The following PLEKHA7 variants were observed in gnomAD, a reference collection of about 807,000 sequenced individuals.
PLEKHA7 encodes pleckstrin homology domain-containing family A member 7.
A neutral mutation model predicts 170.0 loss-of-function variants in PLEKHA7; 104 were observed. That is an observed-to-expected ratio of 0.61 (90% CI 0.52 to 0.72). The LOEUF (loss-of-function observed/expected upper bound fraction) is 0.72. Ranked by LOEUF, PLEKHA7 falls within the 30% of genes least tolerant of loss-of-function variation. The pLI is 0.00. For synonymous variants in PLEKHA7, 648 were observed against 660.8 expected, an observed-to-expected ratio of 0.98 and a Z score of 0.30; for missense variants, 1,615 against 1,671.7, an observed-to-expected ratio of 0.97 and a Z score of 0.59.
chr11:16,940,496 G>A (rs1005100083), intron 3 of PLEKHA7, among the ~76,000 whole-genome samples: 1 of 151,566 alleles, frequency 6.6e-6, no homozygotes, highest in Non-Finnish European at 1.5e-5. Flanking sequence ...CACCAGATTG[G>A]CTGCTGGTCT....
chr11:16,944,661 T>C (rs769018864), intron 3 of PLEKHA7, among the ~76,000 whole-genome samples: 2 of 152,176 alleles, frequency 1.3e-5, no homozygotes, highest in African/African-American at 4.8e-5. Flanking sequence ...TTTCTATGTA[T>C]GTGAGGTACA....
chr11:16,795,527 CTT>C (rs368142374), intron 17 of PLEKHA7, among the ~76,000 whole-genome samples: 3 of 152,146 alleles, frequency 2.0e-5, no homozygotes, highest in African/African-American at 7.2e-5. Flanking sequence ...TGCAATGGCT[CTT>C]GTCTGTTATC....
Position 16,852,360 on chromosome 11 carries a change from A to G in PLEKHA7, c.523-5T>C. The G allele has an allele frequency of 6.2e-7, 1 of 1,613,674 alleles. No homozygotes were observed. Among genetic ancestry groups the G allele is most frequent in the Non-Finnish European group, 8.5e-7 (1 of 1,179,808 alleles). On this transcript the variant is annotated splice_region_variant and splice_polypyrimidine_tract_variant and intron_variant, in intron 6 of 26. Transcript: ENST00000531066. The stretch of plus-strand genomic sequence containing the variant: ...CAGCCTCATCCCAGAACTGTCCTGC[A>G]AAGCAAAGAAAACTAGTCAGGGTAA...
At chr11:16,971,996 A>T (rs1404367794) in intron 3 of PLEKHA7, among the ~76,000 whole-genome samples, 2 of 151,790 alleles carry the variant, frequency 1.3e-5, no homozygotes, top group South Asian at 4.2e-4. Context: ...GCTAATTTTT[A>T]TATTTTTAGT....
At chr11:16,807,031 G>T in intron 13 of PLEKHA7, 2 of 312,246 alleles carry the variant, frequency 6.4e-6, no homozygotes, top group Non-Finnish European at 9.3e-6. Flanking sequence ...AAAATGACTT[G>T]CGGGAAGCCT....
chr11:16,829,314 G>A (rs1175155783), intron 9 of PLEKHA7, among the ~76,000 whole-genome samples: 1 of 152,034 alleles, frequency 6.6e-6, no homozygotes, highest in Non-Finnish European at 1.5e-5. Context: ...CCTGCCGGGG[G>A]CCTAAATTCC....
intron 3 of PLEKHA7, among the ~76,000 whole-genome samples, chr11:16,995,105 T>C (rs1337858506): frequency 6.6e-6 from 1 of 152,174 alleles, no homozygotes; most frequent in African/African-American, 2.4e-5. Flanking sequence ...ACTCATTTAA[T>C]CCCTGCCACA....
chr11:16,974,127 T>G (rs1479885171), intron 3 of PLEKHA7, among the ~76,000 whole-genome samples: 2 of 152,164 alleles, frequency 1.3e-5, no homozygotes, highest in Non-Finnish European at 2.9e-5. Context: ...CCAGATGTGG[T>G]GGTGCACGCC....
intron 3 of PLEKHA7, among the ~76,000 whole-genome samples, chr11:16,910,527 G>T (rs1462884601): frequency 1.3e-5 from 2 of 152,204 alleles, no homozygotes; most frequent in Non-Finnish European, 2.9e-5. Context: ...AAATGTCATG[G>T]GATACCACTA....
At chr11:16,803,609 G>A (rs1292896181) in intron 13 of PLEKHA7, 1 of 323,804 alleles carries the variant, frequency 3.1e-6, no homozygotes, top group Non-Finnish European at 5.9e-6. Context: ...TGAAAAATCA[G>A]CATGAATCTT....
At chr11:16,992,812 T>C (rs1023918575) in intron 3 of PLEKHA7, among the ~76,000 whole-genome samples, 3 of 150,922 alleles carry the variant, frequency 2.0e-5, no homozygotes, top group African/African-American at 7.3e-5. Flanking sequence ...ACACCAACCA[T>C]TCCTAGTTAC....
At chr11:16,953,993 C>T (rs956132586) in intron 3 of PLEKHA7, among the ~76,000 whole-genome samples, 6 of 151,932 alleles carry the variant, frequency 3.9e-5, no homozygotes, top group Non-Finnish European at 7.4e-5. Context: ...AGAAACAGAC[C>T]CCTCACACAC....
intron 3 of PLEKHA7, among the ~76,000 whole-genome samples, chr11:16,946,734 T>TG (rs1861052632): frequency 1.3e-5 from 2 of 152,102 alleles, no homozygotes; most frequent in Non-Finnish European, 1.5e-5. Context: ...GGCCTCAACT[T>TG]GCTGTGGGTC....
intron 13 of PLEKHA7, among the ~76,000 whole-genome samples, chr11:16,808,483 C>T (rs1849142087): frequency 6.6e-6 from 1 of 152,166 alleles, no homozygotes. Flanking sequence ...AAGTATGCGG[C>T]ATCCCCAATT....
chr11:16,814,513 C>T (rs984184618), intron 12 of PLEKHA7, among the ~76,000 whole-genome samples: 1 of 152,174 alleles, frequency 6.6e-6, no homozygotes, highest in Non-Finnish European at 1.5e-5. Flanking sequence ...TCAAGATACC[C>T]GGGAGGGCAG....
At chr11:16,801,875 C>T (rs965461903) in intron 15 of PLEKHA7, 58 bp from the exon 16 acceptor site, 1 of 1,597,590 alleles carries the variant, frequency 6.3e-7, no homozygotes, top group Non-Finnish European at 8.6e-7. Context: ...AGAGGCCTCC[C>T]CATACCACAC....
rs184802706 is a variant in PLEKHA7 at position 17,008,384 on chromosome 11, G to C, written c.221+5605C>G. 2.6e-5 allele frequency among the ~76,000 whole-genome samples: 4 copies of C among 152,336 alleles called. No homozygotes were observed. The East Asian group carries it at 7.7e-4, about 29-fold the overall frequency. On this transcript the variant is annotated intron_variant, in intron 3 of 26. Transcript: ENST00000531066. ...AATAAGGATATGAAATGAAGACGCA[G>C]AGGAGGCCGTTTGAGCCTCCACCAG... is the stretch of plus-strand genomic sequence containing the variant.
At chr11:17,010,859 T>C (rs1865281976) in intron 3 of PLEKHA7, among the ~76,000 whole-genome samples, 1 of 151,704 alleles carries the variant, frequency 6.6e-6, no homozygotes, top group Admixed American at 6.6e-5. Context: ...ACATTTTTCA[T>C]GTGGGGGGCG....
intron 3 of PLEKHA7, among the ~76,000 whole-genome samples, chr11:16,895,313 C>T (rs1856931677): frequency 6.6e-6 from 1 of 152,202 alleles, no homozygotes; most frequent in Non-Finnish European, 1.5e-5. Context: ...GAACTTGCTA[C>T]TGACCTTTAA....
Sources: gnomAD v4.1 joint callset for allele counts (sites outside exome capture counted in the v4.1 genomes callset) on GRCh38, gnomAD v4.1.1 for gene constraint, MANE v1.5 for transcripts, NCBI Gene and HGNC (gene_info 2026-07-23, HGNC 2026-07-21) for gene names.